BCR: variants seen among roughly 807,000 people sequenced by gnomAD.
BCR encodes the protein breakpoint cluster region protein.
BCR carries 58 observed loss-of-function variants against 138.6 expected under a neutral mutation model. The ratio of observed to expected loss-of-function variants is 0.42; its 90% CI spans 0.34 to 0.52. BCR has a LOEUF of 0.52. BCR is among the 20% of genes least tolerant of loss of function. The pLI, the probability that BCR is intolerant of heterozygous loss-of-function variation, is 0.06. For synonymous variants in BCR, 786 were observed against 730.1 expected, an observed-to-expected ratio of 1.08 and a Z score of -1.23; for missense variants, 1,599 against 1,727.2, an observed-to-expected ratio of 0.93 and a Z score of 1.32.
intron 1 of BCR, among the ~76,000 whole-genome samples, chr22:23,226,030 C>G (rs1375665350): frequency 6.6e-6 from 1 of 152,206 alleles, no homozygotes; most frequent in African/African-American, 2.4e-5. Flanking sequence ...CATCCGGCGC[C>G]CTTTCTTTGG....
At chr22:23,219,061 CT>C (rs1254496883) in intron 1 of BCR, among the ~76,000 whole-genome samples, 2 of 152,278 alleles carry the variant, frequency 1.3e-5, no homozygotes, top group African/African-American at 4.8e-5. Context: ...GCCCTAATGG[CT>C]GTGACAATGG....
chr22:23,272,260 C>T (rs2073518281), intron 6 of BCR, among the ~76,000 whole-genome samples: 2 of 152,234 alleles, frequency 1.3e-5, no homozygotes, highest in South Asian at 4.1e-4. Context: ...TCAGTCACTT[C>T]TTATTTTCAG....
intron 4 of BCR, chr22:23,262,988 C>G: frequency 2.3e-6 from 2 of 881,768 alleles, no homozygotes; most frequent in Non-Finnish European, 3.1e-6. Context: ...ATGAGGGGAG[C>G]GTAGGGGCCG....
chr22:23,215,520 C>T (rs1413068675), intron 1 of BCR, among the ~76,000 whole-genome samples: 2 of 152,222 alleles, frequency 1.3e-5, no homozygotes, highest in Non-Finnish European at 2.9e-5. Flanking sequence ...TGTTTTCTGC[C>T]ACCTTCTCTG....
intron 8 of BCR, among the ~76,000 whole-genome samples, chr22:23,280,753 A>G (rs186541074): frequency 3.4e-4 from 51 of 152,228 alleles, no homozygotes; most frequent in Non-Finnish European, 6.5e-4. Context: ...TTAGTTATTC[A>G]AGAAGACAGG....
chr22:23,275,394 G>A (rs181538801), intron 8 of BCR, among the ~76,000 whole-genome samples: 238 of 152,326 alleles, frequency 1.6e-3, no homozygotes, highest in African/African-American at 5.5e-3. Context: ...CCACCTCATC[G>A]GGCACCTGGG....
chr22:23,184,953 C>T (rs550247238), intron 1 of BCR, among the ~76,000 whole-genome samples: 60 of 152,254 alleles, frequency 3.9e-4, no homozygotes, highest in African/African-American at 1.3e-3. Flanking sequence ...CCTAATGCTC[C>T]GCAGTGGCAG....
intron 1 of BCR, among the ~76,000 whole-genome samples, chr22:23,201,883 C>G (rs1212659690): frequency 5.9e-5 from 9 of 152,160 alleles, no homozygotes; most frequent in Admixed American, 2.0e-4. Flanking sequence ...AAGAGGGGAG[C>G]AGATGAAGAG....
At chr22:23,210,051 A>G (rs554257722) in intron 1 of BCR, among the ~76,000 whole-genome samples, 37 of 152,318 alleles carry the variant, frequency 2.4e-4, no homozygotes, top group South Asian at 4.1e-4. Flanking sequence ...AGTAATTTTT[A>G]CCCTAGAAAA....
intron 1 of BCR, among the ~76,000 whole-genome samples, chr22:23,220,265 A>G (rs2072809057): frequency 1.3e-5 from 2 of 152,162 alleles, no homozygotes; most frequent in Admixed American, 1.3e-4. Context: ...AGTTTCACCT[A>G]CCGTCCATGG....
At chr22:23,264,321 T>C in intron 4 of BCR, 2 of 986,168 alleles carry the variant, frequency 2.0e-6, no homozygotes, top group Non-Finnish European at 3.3e-6. Context: ...TGCTGCGCTG[T>C]CTTACAACCT....
At chr22:23,290,007 C>T (rs1183661240) in intron 13 of BCR, 142 of 507,372 alleles carry the variant, frequency 2.8e-4, no homozygotes, top group Non-Finnish European at 8.3e-5. Flanking sequence ...TGCACATATG[C>T]TCAGTCACAC....
At chr22:23,216,304 T>TA (rs763474794) in intron 1 of BCR, among the ~76,000 whole-genome samples, 4 of 152,260 alleles carry the variant, frequency 2.6e-5, no homozygotes, top group Non-Finnish European at 2.9e-5. Context: ...TCACCATGTT[T>TA]ATAACCTCAG....
intron 4 of BCR, chr22:23,262,683 G>A (rs563743248): frequency 3.0e-5 from 20 of 674,760 alleles, no homozygotes; most frequent in Non-Finnish European, 3.7e-5. Flanking sequence ...GTGTGGGGCC[G>A]CCGGGAATGG....
At chr22:23,282,692 A>G (rs1253384358) in intron 8 of BCR, among the ~76,000 whole-genome samples, 1 of 152,174 alleles carries the variant, frequency 6.6e-6, no homozygotes, top group Non-Finnish European at 1.5e-5. Context: ...ACAAGGCCTC[A>G]TCACTTCTCG....
chr22:23,303,509 T>A (rs921786082), intron 16 of BCR, among the ~76,000 whole-genome samples: 1 of 152,230 alleles, frequency 6.6e-6, no homozygotes, highest in African/African-American at 2.4e-5. Context: ...GCATGGTCCA[T>A]GTGGCAGAGG....
intron 16 of BCR, among the ~76,000 whole-genome samples, chr22:23,295,357 C>T (rs960177376): frequency 6.6e-6 from 1 of 152,164 alleles, no homozygotes; most frequent in African/African-American, 2.4e-5. Flanking sequence ...CCTCTGTCTG[C>T]GTGTCTGTTG....
intron 16 of BCR, among the ~76,000 whole-genome samples, chr22:23,305,434 T>C (rs1280864072): frequency 6.6e-6 from 1 of 152,136 alleles, no homozygotes; most frequent in East Asian, 1.9e-4. Flanking sequence ...TGAGGGTGGG[T>C]GAGAGGATGT....
chr22:23,192,955 A>T (rs1260667834), intron 1 of BCR, among the ~76,000 whole-genome samples: 1 of 152,182 alleles, frequency 6.6e-6, no homozygotes, highest in African/African-American at 2.4e-5. Context: ...CAAAGCCAGG[A>T]CACAGCCAAG....
Sources: allele counts gnomAD v4.1 joint callset (sites outside exome capture counted in the v4.1 genomes callset), GRCh38; gene constraint gnomAD v4.1.1; transcripts MANE v1.5; gene names NCBI Gene and HGNC (gene_info 2026-07-23, HGNC 2026-07-21).